Variants in HIP1 observed in about 807,000 individuals in gnomAD.
HIP1 encodes huntingtin-interacting protein 1.
In HIP1, 65 loss-of-function variants were observed where a neutral mutation model predicts 147.6. The ratio of observed to expected loss-of-function variants is 0.44; its 90% CI spans 0.36 to 0.54. The LOEUF is 0.54. HIP1 is among the 20% of genes least tolerant of loss of function. The probability of loss-of-function intolerance (pLI) is 0.00; values close to 1 mark genes in which losing one functional copy is unlikely to be tolerated. For synonymous variants in HIP1, 479 were observed against 504.0 expected (o/e 0.95, Z 0.67); for missense variants, 1,061 against 1,299.6 (o/e 0.82, Z 2.82).
intron 4 of HIP1, among the ~76,000 whole-genome samples, chr7:75,588,513 G>C (rs981919646): frequency 6.6e-6 from 1 of 152,194 alleles, no homozygotes; most frequent in Non-Finnish European, 1.5e-5. Flanking sequence ...AGACACAGTG[G>C]CTCCTCCTGC....
intron 1 of HIP1, among the ~76,000 whole-genome samples, chr7:75,667,497 G>A (rs1799597084): frequency 1.3e-5 from 2 of 152,100 alleles, no homozygotes; most frequent in Admixed American, 6.6e-5. Context: ...TTCATTTATT[G>A]AAAATGGAGG....
At chr7:75,626,268 A>C (rs1554507996) in intron 1 of HIP1, 1 of 152,200 alleles carries the variant, frequency 6.6e-6, no homozygotes, top group Non-Finnish European at 1.5e-5. Context: ...ACACATTAGC[A>C]AAAAGAATTC....
At chr7:75,582,435 GGTT>G (rs1351984722) in intron 5 of HIP1, among the ~76,000 whole-genome samples, 1 of 152,322 alleles carries the variant, frequency 6.6e-6, no homozygotes, top group Admixed American at 6.5e-5. Flanking sequence ...TCATCTGTGT[GGTT>G]TGTCCCTGTG....
intron 1 of HIP1, among the ~76,000 whole-genome samples, chr7:75,713,547 T>G (rs1248073831): frequency 6.6e-6 from 1 of 152,174 alleles, no homozygotes; most frequent in Non-Finnish European, 1.5e-5. Context: ...CACCCTCTGA[T>G]GCAACGCGGG....
At position 75,534,019 on chromosome 7, in the gene HIP1, A is replaced by G; in HGVS notation, c.*4153T>C. ...ATTTGGAAAGGTGGTAGAAGGTAGC[A>G]AGATGCTGACCGGTTATTAAAGACC... On this transcript the variant is annotated 3_prime_UTR_variant, in exon 31 of 31. Transcript: ENST00000336926. 1 of 232,026 alleles carries G rather than the reference A, an allele frequency of 4.3e-6. No homozygotes were observed. The highest frequency in any genetic ancestry group is 8.5e-6 in the Non-Finnish European group (1 of 117,284). 14.4% of individuals were successfully genotyped at this position (232,026 alleles called of 1,614,324 possible).
chr7:75,599,154 C>T (rs782386614), intron 2 of HIP1, 30 bp downstream of exon 2: 33 of 1,569,518 alleles, frequency 2.1e-5, no homozygotes, highest in Middle Eastern at 1.7e-4. Flanking sequence ...CCCTCAGGGT[C>T]GGTCTTCCAA....
intron 7 of HIP1, among the ~76,000 whole-genome samples, chr7:75,579,071 G>A (rs921407250): frequency 6.6e-6 from 1 of 151,588 alleles, no homozygotes; most frequent in Admixed American, 6.6e-5. Flanking sequence ...ACCTGCCTTC[G>A]CCTCCCAACG....
chr7:75,732,496 G>A (rs1166608226), intron 1 of HIP1, among the ~76,000 whole-genome samples: 20 of 152,016 alleles, frequency 1.3e-4, no homozygotes, highest in East Asian at 3.9e-4. Flanking sequence ...TCTGCCTGCC[G>A]AGTAGCTGGG....
intron 1 of HIP1, among the ~76,000 whole-genome samples, chr7:75,630,711 T>C (rs1554508750): frequency 6.6e-6 from 1 of 152,126 alleles, no homozygotes; most frequent in East Asian, 1.9e-4. Context: ...TAACCCCACC[T>C]TCTCCAGGCT....
At chr7:75,634,522 C>G (rs183232340) in intron 1 of HIP1, among the ~76,000 whole-genome samples, 2 of 152,270 alleles carry the variant, frequency 1.3e-5, no homozygotes, top group East Asian at 3.9e-4. Context: ...GGTTCTAACC[C>G]CGGTATGGAA....
intron 1 of HIP1, among the ~76,000 whole-genome samples, chr7:75,612,458 G>A (rs961973673): frequency 6.6e-5 from 10 of 151,840 alleles, no homozygotes; most frequent in South Asian, 2.1e-4. Flanking sequence ...GCAGTGAGCC[G>A]AATTCGCGCC....
At chr7:75,672,163 T>A (rs1554515401) in intron 1 of HIP1, among the ~76,000 whole-genome samples, 1 of 152,242 alleles carries the variant, frequency 6.6e-6, no homozygotes. Flanking sequence ...CATTTGTATA[T>A]CTTCTTTGAA....
In HIP1 at chr7:75,559,729, C is replaced by A; in HGVS notation, c.1375+3G>T. On this transcript the variant is annotated splice_donor_region_variant and intron_variant, in intron 14 of 30. Coordinates refer to ENST00000336926, the MANE Select transcript of HIP1 (RefSeq NM_005338.7). ...CCCGCCCCCGCCCCCACCCACCGCT[C>A]ACTTTCTATCTCAGACAGGCTCCGC... The A allele has an allele frequency of 7.8e-7, 1 of 1,274,322 alleles. No individual in the cohort carries two copies. The highest frequency in any genetic ancestry group is 1.3e-5 in the South Asian group (1 of 79,128). The allele number at this position is 1,274,322 out of a possible 1,614,324, so 78.9% of individuals were successfully genotyped here.
rs552410770 is a variant in HIP1 at position 75,692,220 on chromosome 7, A to AT, written c.120+46580dup. Among the ~76,000 whole-genome samples the AT allele has an allele frequency of 2.0e-4, 30 of 151,692 alleles. 1 individual carries two copies. In the South Asian group the frequency reaches 5.8e-3, roughly 30 times the overall value. ...TCTGGCCAGTAATGATAAACTTGAT[A>AT]TTTTCAATTAATATATCTGCATTCC... is the stretch of plus-strand genomic sequence containing the variant. On this transcript the variant is annotated intron_variant, in intron 1 of 30. Transcript: ENST00000336926.
At chr7:75,639,372 G>C (rs1798563936) in intron 1 of HIP1, 1 of 198,918 alleles carries the variant, frequency 5.0e-6, no homozygotes, top group South Asian at 1.7e-4. Flanking sequence ...CCCGGGGACC[G>C]GGAAATCCCG....
In HIP1 at chr7:75,545,155, T is replaced by G. The variant is rs1310529638; in HGVS notation, c.2593A>C (p.Asn865His). ...TASPKEFYAK[N>H]SRWTEGLISA... ...ATAAGTCCTTCTGTCCATCGAGAGTTCTTGGCATAAAACTCTTTAGGGGAT... is the reference window on the plus strand; with the variant it reads ...ATAAGTCCTTCTGTCCATCGAGAGTGCTTGGCATAAAACTCTTTAGGGGAT... The change falls in exon 26 of 31, where the codon AAC becomes CAC. Residue 865 changes from asparagine to histidine, a missense_variant. By Grantham distance (68) the Asn-to-His change is moderately conservative. Around this residue, in one of 3 missense-constraint regions of HIP1, gnomAD observed 810 missense variants for 946.8 expected, o/e 0.86. Coordinates refer to ENST00000336926, the MANE Select transcript of HIP1 (RefSeq NM_005338.7). The G allele has an allele frequency of 6.2e-7, 1 of 1,611,130 alleles. No homozygotes were observed. The highest frequency in any genetic ancestry group is 8.5e-7 in the Non-Finnish European group (1 of 1,179,082).
chr7:75,713,286 C>T (rs1563308384), intron 1 of HIP1, among the ~76,000 whole-genome samples: 2 of 152,200 alleles, frequency 1.3e-5, no homozygotes, highest in African/African-American at 4.8e-5. Flanking sequence ...GGTGTCAGTT[C>T]AAGATCCCAT....
intron 1 of HIP1, among the ~76,000 whole-genome samples, chr7:75,669,039 G>A (rs1219164635): frequency 6.6e-6 from 1 of 150,634 alleles, no homozygotes; most frequent in African/African-American, 2.4e-5. Context: ...CCAACACGGC[G>A]AAACCTCGTT....
At chr7:75,554,557 G>A (rs782354545) in intron 19 of HIP1, 31 bp from the exon 20 acceptor site, 5 of 1,539,614 alleles carry the variant, frequency 3.2e-6, no homozygotes, top group East Asian at 2.2e-5. Flanking sequence ...CAAGGTCAGA[G>A]CAAGTTCTCA....
Sources: gnomAD v4.1 joint callset for allele counts (sites outside exome capture counted in the v4.1 genomes callset) on GRCh38, gnomAD v4.1.1 for gene constraint, gnomAD v4.1.1 regional missense constraint, MANE v1.5 for transcripts, NCBI Gene and HGNC (gene_info 2026-07-23, HGNC 2026-07-21) for gene names.